The following OIT3 variants were observed in gnomAD, a reference collection of about 807,000 sequenced individuals.
OIT3 encodes the protein oncoprotein induced transcript 3, also known as oncoprotein-induced transcript 3 protein.
A neutral mutation model predicts 52.2 loss-of-function variants in OIT3; 41 were observed. That is an observed-to-expected ratio of 0.79 (90% CI 0.61 to 1.02). OIT3 has a LOEUF of 1.02. OIT3 is among the 50% of genes least tolerant of loss of function. OIT3 has a pLI of 0.00. For synonymous variants in OIT3, 244 were observed against 276.9 expected, an observed-to-expected ratio of 0.88 and a Z score of 1.18; for missense variants, 634 against 715.5, an observed-to-expected ratio of 0.89 and a Z score of 1.30.
At chr10:72,901,238 T>C (rs1409041060) in intron 3 of OIT3, among the ~76,000 whole-genome samples, 1 of 152,208 alleles carries the variant, frequency 6.6e-6, no homozygotes, top group Non-Finnish European at 1.5e-5. Flanking sequence ...TTTATATTTC[T>C]GTTGAACAGC....
At chr10:72,915,742 A>G (rs1372754903) in intron 6 of OIT3, among the ~76,000 whole-genome samples, 2 of 152,148 alleles carry the variant, frequency 1.3e-5, no homozygotes, top group African/African-American at 4.8e-5. Context: ...CAAACATGCA[A>G]AAAACATGCC....
chr10:72,927,788 G>A (rs1024440325), intron 7 of OIT3, among the ~76,000 whole-genome samples: 1 of 152,092 alleles, frequency 6.6e-6, no homozygotes, highest in Non-Finnish European at 1.5e-5. Flanking sequence ...TGTTTCCTCT[G>A]CCTGATATCT....
At chr10:72,920,928 T>A (rs978800374) in intron 6 of OIT3, among the ~76,000 whole-genome samples, 3 of 152,214 alleles carry the variant, frequency 2.0e-5, no homozygotes, top group African/African-American at 7.2e-5. Flanking sequence ...CTTCTGTAGA[T>A]AATTATCAAG....
At chr10:72,922,233 A>G (rs1408295082) in intron 6 of OIT3, among the ~76,000 whole-genome samples, 1 of 152,140 alleles carries the variant, frequency 6.6e-6, no homozygotes, top group Admixed American at 6.5e-5. Context: ...TGGCCTGTCT[A>G]GCAGGGTTGG....
intron 8 of OIT3, among the ~76,000 whole-genome samples, chr10:72,930,889 A>G (rs548389865): frequency 3.0e-4 from 45 of 152,242 alleles, no homozygotes; most frequent in Admixed American, 2.1e-3. Context: ...AGAAAATACT[A>G]TAGGATCATA....
chr10:72,920,439 C>A (rs1331207138), intron 6 of OIT3, among the ~76,000 whole-genome samples: 1 of 151,968 alleles, frequency 6.6e-6, no homozygotes, highest in African/African-American at 2.4e-5. Context: ...TTCCAGTTCA[C>A]CTCTAATTTT....
At position 72,911,586 on chromosome 10, in the gene OIT3, G is replaced by A. The variant is rs189121266; in HGVS notation, c.668-131G>A. On this transcript the variant is annotated intron_variant, in intron 4 of 8. Coordinates refer to ENST00000334011, the MANE Select transcript of OIT3 (RefSeq NM_152635.3). ...ATAAACATTCCTTGAGGTCTTGCCCGAATGTCCAGTCACTAGGTTAGGCAC... is the reference window on the plus strand; with the variant it reads ...ATAAACATTCCTTGAGGTCTTGCCCAAATGTCCAGTCACTAGGTTAGGCAC... 2.0e-4 allele frequency: 171 copies of A among 855,928 alleles called. 2 individuals are homozygous for A. Among genetic ancestry groups the A allele is most frequent in the South Asian group, 1.3e-3 (70 of 51,864 alleles). 53.0% of individuals were successfully genotyped at this position (855,928 alleles called of 1,614,324 possible). A position where few individuals can be genotyped will look rare whatever the true frequency, so the allele number is the denominator to read the frequency against.
intron 4 of OIT3, among the ~76,000 whole-genome samples, chr10:72,910,480 C>A (rs1419133340): frequency 6.6e-6 from 1 of 151,962 alleles, no homozygotes; most frequent in African/African-American, 2.4e-5. Flanking sequence ...ACAGTGAAAT[C>A]CTGTCTCTAC....
intron 4 of OIT3, among the ~76,000 whole-genome samples, chr10:72,909,415 A>G (rs890481312): frequency 6.6e-6 from 1 of 151,454 alleles, no homozygotes; most frequent in African/African-American, 2.4e-5. Flanking sequence ...CCACTGTGCC[A>G]GGCTCCCTGT....
rs1386029584 is a variant in OIT3 at position 72,900,478 on chromosome 10, T to A, written c.538T>A (p.Cys180Ser). 6.3e-7 allele frequency: 1 copy of A among 1,588,194 alleles called. No homozygotes were observed. The highest frequency in any genetic ancestry group is 1.3e-5 in the African/African-American group (1 of 74,288). The change falls in exon 3 of 9, where the codon TGC (cysteine) becomes AGC (serine). Residue 180 changes from cysteine (C) to serine (S), a missense_variant. Cys to Ser is a moderately radical substitution (Grantham distance 112, BLOSUM62 -1). Coordinates refer to ENST00000334011, the MANE Select transcript of OIT3 (RefSeq NM_152635.3). ...GTVLGPDRQT[C>S]FDENECEQNN... The stretch of plus-strand genomic sequence containing the variant: ...TGTGCTAGGCCCTGACAGGCAGACA[T>A]GCTTTGGTAAGAAACTCATCAAAGG...
At chr10:72,909,026 C>T (rs1007657371) in intron 4 of OIT3, among the ~76,000 whole-genome samples, 3 of 150,974 alleles carry the variant, frequency 2.0e-5, no homozygotes, top group African/African-American at 7.3e-5. Flanking sequence ...TTCTATTGAG[C>T]CCATCACCCA....
chr10:72,901,537 A>G (rs1019513084), intron 3 of OIT3, among the ~76,000 whole-genome samples: 4 of 152,200 alleles, frequency 2.6e-5, no homozygotes, highest in Non-Finnish European at 5.9e-5. Context: ...TGGTCCCCCA[A>G]GAAGAACAGT....
At chr10:72,903,080 C>T (rs1845948192) in intron 3 of OIT3, among the ~76,000 whole-genome samples, 1 of 152,054 alleles carries the variant, frequency 6.6e-6, no homozygotes, top group Non-Finnish European at 1.5e-5. Context: ...AAGCATGTGT[C>T]AATTTTCCTT....
chr10:72,908,311 G>C (rs1263437894), intron 4 of OIT3, among the ~76,000 whole-genome samples: 4 of 152,096 alleles, frequency 2.6e-5, no homozygotes, highest in Non-Finnish European at 5.9e-5. Context: ...ATTATATGGA[G>C]AGATAAATGG....
intron 3 of OIT3, among the ~76,000 whole-genome samples, chr10:72,906,064 T>C (rs1354794112): frequency 6.6e-6 from 1 of 152,200 alleles, no homozygotes; most frequent in Non-Finnish European, 1.5e-5. Context: ...TTCATCAGAT[T>C]CTTAAAAAGG....
chr10:72,899,104 A>G, intron 2 of OIT3, 66 bp downstream of exon 2: 2 of 1,432,444 alleles, frequency 1.4e-6, no homozygotes, highest in African/African-American at 1.4e-5. Flanking sequence ...AAAAGTGCCA[A>G]TTATAGGATA....
Position 72,913,289 on chromosome 10 carries a change from TG to T in OIT3, c.791-17del. On this transcript the variant is annotated intron_variant, in intron 5 of 8. Transcript: ENST00000334011. ...GATTCAGGTTTCCTGGCTCTAACAGTGGCCCTTTTTCTCTGCAGTCCCTGTG... is the reference window on the plus strand; with the variant it reads ...GATTCAGGTTTCCTGGCTCTAACAGTGCCCTTTTTCTCTGCAGTCCCTGTG... 6.4e-7 allele frequency: 1 copy of T among 1,558,344 alleles called. No individual in the cohort carries two copies. The highest frequency in any genetic ancestry group is 8.8e-7 in the Non-Finnish European group (1 of 1,141,622).
At position 72,895,877 on chromosome 10, in the gene OIT3, A is replaced by G. The variant is rs1845871433; in HGVS notation, c.61+2018A>G. Among the ~76,000 whole-genome samples, 2 of 152,158 alleles carry G rather than the reference A, an allele frequency of 1.3e-5. 1 individual carries two copies. Among genetic ancestry groups the G allele is most frequent in the South Asian group, 4.1e-4 (2 of 4,828 alleles). ...ATGTATAGATCAGCATTTTAGGATG[A>G]ATGTGCGCAATACCAGATTCTGGGC... On this transcript the variant is annotated intron_variant, in intron 1 of 8. Transcript: ENST00000334011.
intron 3 of OIT3, among the ~76,000 whole-genome samples, chr10:72,905,696 G>A (rs755586498): frequency 7.2e-5 from 11 of 152,250 alleles, no homozygotes; most frequent in Non-Finnish European, 1.6e-4. Context: ...CCCTGGCTTG[G>A]GGCTTCCATT....
Sources: allele counts gnomAD v4.1 joint callset (sites outside exome capture counted in the v4.1 genomes callset), GRCh38; gene constraint gnomAD v4.1.1; transcripts MANE v1.5; gene names NCBI Gene and HGNC (gene_info 2026-07-23, HGNC 2026-07-21).